The following WASHC4 variants were observed in gnomAD, a reference collection of about 807,000 sequenced individuals.
WASHC4 encodes WASH complex subunit 4.
Under a neutral mutation model 166.6 loss-of-function variants are expected in WASHC4, and 86 were observed. The observed-to-expected ratio is 0.52, with a 90% CI of 0.43 to 0.62. The LOEUF is 0.62. Among genes scored for constraint, WASHC4 ranks in the 20% least tolerant of loss-of-function variants. WASHC4 has a pLI of 0.00. For missense variants in WASHC4, 1,262 were observed against 1,382.4 expected (o/e 0.91, Z 1.38); for synonymous variants, 446 against 451.6 (o/e 0.99, Z 0.16).
At chr12:105,110,847 A>G (rs1029114248) in intron 1 of WASHC4, among the ~76,000 whole-genome samples, 1 of 152,186 alleles carries the variant, frequency 6.6e-6, no homozygotes, top group African/African-American at 2.4e-5. Context: ...GCCCTCTATT[A>G]TGGGGGTAGA....
Position 105,147,590 on chromosome 12 carries a change from A to C in WASHC4, c.2514+444A>C, listed in dbSNP as rs1014877773. The stretch of plus-strand genomic sequence containing the variant: ...TCCATATAAATAGGAACTTACTAAA[A>C]ATATATTGAATCTTCTTAGAAATGG... On this transcript the variant is annotated intron_variant, in intron 24 of 32. Coordinates refer to ENST00000332180, the MANE Select transcript of WASHC4 (RefSeq NM_015275.3). 17 of 1,008,786 alleles carry C rather than the reference A, an allele frequency of 1.7e-5. No individual in the cohort carries two copies. The African/African-American group carries it at 2.6e-4, about 15-fold the overall frequency. 62.5% of individuals were successfully genotyped at this position (1,008,786 alleles called of 1,614,324 possible). A position where few individuals can be genotyped will look rare whatever the true frequency, so the allele number is the denominator to read the frequency against.
At chr12:105,125,781 A>G (rs1169569429) in intron 10 of WASHC4, among the ~76,000 whole-genome samples, 1 of 152,088 alleles carries the variant, frequency 6.6e-6, no homozygotes, top group East Asian at 1.9e-4. Flanking sequence ...GTTCAATTTT[A>G]TTACTTTCAC....
intron 13 of WASHC4, among the ~76,000 whole-genome samples, chr12:105,127,879 TG>T (rs1379577409): frequency 3.9e-5 from 6 of 152,176 alleles, no homozygotes; most frequent in Non-Finnish European, 7.3e-5. Context: ...TATCTCTTAT[TG>T]TGTAAATTTT....
In WASHC4 at chr12:105,138,022, G is replaced by T. The variant is rs1882465146; in HGVS notation, c.1452+11G>T. On this transcript the variant is annotated intron_variant, in intron 15 of 32. Transcript: ENST00000332180. ...GTTGAACTTCTCAAGGTAGGTTTTA[G>T]ATTATTTTACTGCTCCATCATAATT... The T allele has an allele frequency of 6.2e-7, 1 of 1,608,920 alleles. No homozygotes were observed. Among genetic ancestry groups the T allele is most frequent in the Non-Finnish European group, 8.5e-7 (1 of 1,177,666 alleles).
chr12:105,140,825 TAATCAAG>T (rs1882778576), intron 16 of WASHC4, 67 bp from the exon 17 acceptor site: 3 of 1,401,980 alleles, frequency 2.1e-6, no homozygotes, highest in South Asian at 1.2e-5. Context: ...ATGGAAAAGA[TAATCAAG>T]AAGTTTTTCT....
At chr12:105,119,433 A>T in intron 7 of WASHC4, among the ~76,000 whole-genome samples, 1 of 152,220 alleles carries the variant, frequency 6.6e-6, no homozygotes, top group East Asian at 1.9e-4. Context: ...CCTGGAAGAG[A>T]TAACAAGAGC....
chr12:105,125,811 A>G (rs1050170878), intron 10 of WASHC4, among the ~76,000 whole-genome samples, 193 bp from the exon 11 acceptor site: 1 of 152,134 alleles, frequency 6.6e-6, no homozygotes, highest in African/African-American at 2.4e-5. Flanking sequence ...ACCCAAATAT[A>G]TAAATACATA....
chr12:105,135,057 T>C (rs1882192032), intron 14 of WASHC4, among the ~76,000 whole-genome samples: 1 of 152,104 alleles, frequency 6.6e-6, no homozygotes, highest in Admixed American at 6.5e-5. Flanking sequence ...TTTACCACTT[T>C]CCTGACGGTA....
At chr12:105,161,595 C>G (rs1884500060) in intron 29 of WASHC4, among the ~76,000 whole-genome samples, 1 of 152,134 alleles carries the variant, frequency 6.6e-6, no homozygotes, top group South Asian at 2.1e-4. Context: ...ATTAAAAGCA[C>G]TACAAAGAAG....
In WASHC4 at chr12:105,149,769, T is replaced by C; in HGVS notation, c.2649+20T>C. 1 of 1,585,296 alleles carries C rather than the reference T, an allele frequency of 6.3e-7. No individual in the cohort carries two copies. ...CATAAGGTAGGCTACCTATTCTTTTTAAGGTATTTGATTAAGCTATTGAGT... is the reference window on the plus strand; with the variant it reads ...CATAAGGTAGGCTACCTATTCTTTTCAAGGTATTTGATTAAGCTATTGAGT... On this transcript the variant is annotated intron_variant, in intron 25 of 32. Transcript: ENST00000332180.
At chr12:105,130,873 C>T (rs937377749) in intron 13 of WASHC4, among the ~76,000 whole-genome samples, 2 of 152,134 alleles carry the variant, frequency 1.3e-5, no homozygotes, top group Non-Finnish European at 2.9e-5. Flanking sequence ...TGTTTCAACC[C>T]CCCATGTTGA....
Position 105,133,795 on chromosome 12 carries a change from G to A in WASHC4, c.1225G>A (p.Val409Met). 1.2e-6 allele frequency: 2 copies of A among 1,612,466 alleles called. No homozygotes were observed. The highest frequency in any genetic ancestry group is 1.1e-5 in the South Asian group (1 of 91,048). ...AGATGTACAGTCTTACTACGTCTTTGTGAGCTCATGGATGATGAAAATGGA... is the reference window on the plus strand; with the variant it reads ...AGATGTACAGTCTTACTACGTCTTTATGAGCTCATGGATGATGAAAATGGA... ...TKDVQSYYVF[V>M]SSWMMKMESI... Residue 409 changes from valine (V) to methionine (M), a missense_variant, in exon 14 of 33, where the codon GTG becomes ATG. Transcript: ENST00000332180.
intron 22 of WASHC4, among the ~76,000 whole-genome samples, chr12:105,145,247 A>T (rs147151351): frequency 6.6e-6 from 1 of 152,144 alleles, no homozygotes; most frequent in Non-Finnish European, 1.5e-5. Context: ...TTAGTATCTT[A>T]GGAAAAATGG....
chr12:105,169,013 T>G lies in WASHC4; in HGVS notation c.*2082T>G, dbSNP rs1884947682. ...CTCACCATAACATTGTCAGTTCTAA[T>G]GAAATTTTGTAAAAGATGGCAAGTT... On this transcript the variant is annotated 3_prime_UTR_variant, in exon 33 of 33. Transcript: ENST00000332180. 6.6e-6 allele frequency: 1 copy of G among 152,602 alleles called. No homozygotes were observed. Among genetic ancestry groups the G allele is most frequent in the Non-Finnish European group, 1.5e-5 (1 of 68,000 alleles). 9.5% of individuals were successfully genotyped at this position (152,602 alleles called of 1,614,324 possible).
intron 14 of WASHC4, among the ~76,000 whole-genome samples, chr12:105,136,795 C>T (rs1304499468): frequency 6.6e-6 from 1 of 152,154 alleles, no homozygotes; most frequent in East Asian, 1.9e-4. Context: ...GGTCACCTTT[C>T]TTAGGATGCT....
chr12:105,148,060 A>G, intron 24 of WASHC4: 1 of 985,364 alleles, frequency 1.0e-6, no homozygotes, highest in Non-Finnish European at 1.2e-6. Context: ...AGAAGACTGA[A>G]TGCTTAAGTA....
At chr12:105,123,811 A>G (rs1881014903) in intron 10 of WASHC4, among the ~76,000 whole-genome samples, 1 of 152,222 alleles carries the variant, frequency 6.6e-6, no homozygotes, top group South Asian at 2.1e-4. Flanking sequence ...TGCCACCTAC[A>G]TCTTTCATAG....
chr12:105,157,078 G>A (rs955221826), intron 27 of WASHC4, among the ~76,000 whole-genome samples, 158 bp from the exon 28 acceptor site: 5 of 152,114 alleles, frequency 3.3e-5, no homozygotes, highest in Admixed American at 3.3e-4. Context: ...AATTCAATTT[G>A]GAACTAAAGT....
At position 105,167,225 on chromosome 12, in the gene WASHC4, C is replaced by A; in HGVS notation, c.*294C>A. On this transcript the variant is annotated 3_prime_UTR_variant, in exon 33 of 33. Coordinates refer to ENST00000332180, the MANE Select transcript of WASHC4 (RefSeq NM_015275.3). ...GCAAATCCAGATTCATAAACTATCA[C>A]CTCGGATTTCTTGTAATCTACATGT... 2 of 364,448 alleles carry A rather than the reference C, an allele frequency of 5.5e-6. No individual in the cohort carries two copies. Among genetic ancestry groups the A allele is most frequent in the Non-Finnish European group, 1.0e-5 (2 of 195,918 alleles). 22.6% of individuals were successfully genotyped at this position (364,448 alleles called of 1,614,324 possible).
Sources: allele counts gnomAD v4.1 joint callset (sites outside exome capture counted in the v4.1 genomes callset), GRCh38; gene constraint gnomAD v4.1.1; transcripts MANE v1.5; gene names NCBI Gene and HGNC (gene_info 2026-07-23, HGNC 2026-07-21).